GRID2: variants seen among roughly 807,000 people sequenced by gnomAD.
The protein encoded by GRID2 is glutamate ionotropic receptor delta type subunit 2.
In GRID2, 33 loss-of-function variants were observed where a neutral mutation model predicts 114.8. The observed-to-expected ratio is 0.29, with a 90% confidence interval of 0.22 to 0.38. The LOEUF is 0.38. Among genes scored for constraint, GRID2 ranks in the 10% least tolerant of loss-of-function variants. The pLI is 1.00. For synonymous variants in GRID2, 505 were observed against 449.9 expected (o/e 1.12, Z -1.55); for missense variants, 1,184 against 1,257.7 (o/e 0.94, Z 0.89).
At chr4:92,713,939 A>G (rs1645506060) in intron 2 of GRID2, among the ~76,000 whole-genome samples, 1 of 152,068 alleles carries the variant, frequency 6.6e-6, no homozygotes, top group Admixed American at 6.6e-5. Flanking sequence ...CCCAAATCTC[A>G]TGTCTTCACA....
intron 3 of GRID2, among the ~76,000 whole-genome samples, chr4:93,109,477 A>C (rs138847239): frequency 2.0e-5 from 3 of 152,078 alleles, no homozygotes; most frequent in Non-Finnish European, 4.4e-5. Flanking sequence ...GTAGTTTCTA[A>C]ATTTTTGGCT....
At chr4:92,746,620 ATT>A (rs1230653457) in intron 2 of GRID2, among the ~76,000 whole-genome samples, 1 of 152,054 alleles carries the variant, frequency 6.6e-6, no homozygotes, top group African/African-American at 2.4e-5. Flanking sequence ...GCTACAACTC[ATT>A]TTACTTCATG....
At chr4:93,800,524 A>G (rs1373273660) in intron 1 of GRID2, among the ~76,000 whole-genome samples, 3 of 152,192 alleles carry the variant, frequency 2.0e-5, no homozygotes, top group Admixed American at 6.5e-5. Context: ...TTTGTATTGT[A>G]TTAAAGATTT....
chr4:92,364,705 G>A (rs1322439017), intron 1 of GRID2, among the ~76,000 whole-genome samples: 1 of 151,660 alleles, frequency 6.6e-6, no homozygotes, highest in Non-Finnish European at 1.5e-5. Flanking sequence ...AGTAACAGAG[G>A]GAAGTGCAGA....
intron 2 of GRID2, among the ~76,000 whole-genome samples, chr4:92,918,190 C>T (rs563840436): frequency 1.3e-5 from 2 of 152,162 alleles, no homozygotes; most frequent in East Asian, 3.9e-4. Context: ...GTTATTTTTG[C>T]ACATTGATTT....
chr4:92,367,594 T>C (rs1315177896), intron 1 of GRID2, among the ~76,000 whole-genome samples: 3 of 152,006 alleles, frequency 2.0e-5, no homozygotes, highest in Non-Finnish European at 2.9e-5. Context: ...ATAGTGGGCA[T>C]TGGGCAGAAA....
At chr4:93,322,316 A>G (rs1757319977) in intron 8 of GRID2, among the ~76,000 whole-genome samples, 5 of 151,934 alleles carry the variant, frequency 3.3e-5, no homozygotes, top group South Asian at 2.1e-4. Flanking sequence ...CTGTCCTTGC[A>G]ATAGTTTGCT....
At chr4:93,164,267 G>C (rs1475315730) in intron 4 of GRID2, among the ~76,000 whole-genome samples, 1 of 152,072 alleles carries the variant, frequency 6.6e-6, no homozygotes, top group Admixed American at 6.6e-5. Context: ...TTAAGAGCAT[G>C]ACTTTGGGAC....
chr4:93,488,484 T>C (rs1275857494), intron 11 of GRID2, among the ~76,000 whole-genome samples: 3 of 151,970 alleles, frequency 2.0e-5, no homozygotes, highest in Non-Finnish European at 2.9e-5. Context: ...AATTAAAATA[T>C]GCCTGATATT....
intron 2 of GRID2, among the ~76,000 whole-genome samples, chr4:92,745,268 A>T (rs995476382): frequency 2.0e-5 from 3 of 152,220 alleles, no homozygotes; most frequent in African/African-American, 7.2e-5. Flanking sequence ...GTATGTCTTT[A>T]AAAAATTACT....
intron 2 of GRID2, among the ~76,000 whole-genome samples, chr4:93,056,651 A>G (rs895368016): frequency 1.3e-5 from 2 of 151,972 alleles, no homozygotes; most frequent in African/African-American, 4.8e-5. Flanking sequence ...CTTATTGTTC[A>G]TTAATAAGAG....
chr4:92,611,761 T>C (rs1384943997), intron 2 of GRID2, among the ~76,000 whole-genome samples: 1 of 151,650 alleles, frequency 6.6e-6, no homozygotes, highest in Non-Finnish European at 1.5e-5. Context: ...ATTAGTGACA[T>C]TGAGTATCTT....
chr4:93,652,462 C>T (rs556335710), intron 14 of GRID2, among the ~76,000 whole-genome samples: 5 of 152,170 alleles, frequency 3.3e-5, no homozygotes, highest in Non-Finnish European at 4.4e-5. Flanking sequence ...TGTTTAGACA[C>T]ACAAATACCT....
intron 3 of GRID2, among the ~76,000 whole-genome samples, chr4:93,086,570 A>G (rs544689910): frequency 4.7e-4 from 72 of 152,174 alleles, no homozygotes; most frequent in Non-Finnish European, 9.1e-4. Flanking sequence ...CTTGGTGGGT[A>G]GGCTTCAGCC....
intron 11 of GRID2, among the ~76,000 whole-genome samples, chr4:93,489,880 G>T (rs1726809383): frequency 6.6e-6 from 1 of 151,954 alleles, no homozygotes; most frequent in South Asian, 2.1e-4. Context: ...AATTGCAAGT[G>T]AGAATCATGT....
chr4:93,519,227 A>G (rs1384622528), intron 13 of GRID2, among the ~76,000 whole-genome samples: 6 of 152,116 alleles, frequency 3.9e-5, no homozygotes, highest in Non-Finnish European at 8.8e-5. Flanking sequence ...GAGCAACATG[A>G]TAACATATTT....
At chr4:92,532,065 G>A (rs1302349636) in intron 1 of GRID2, among the ~76,000 whole-genome samples, 1 of 152,124 alleles carries the variant, frequency 6.6e-6, no homozygotes, top group Admixed American at 6.6e-5. Context: ...AGTTGTGGTT[G>A]AGTGGCCACT....
intron 2 of GRID2, among the ~76,000 whole-genome samples, chr4:93,067,016 C>A (rs147008741): frequency 3.3e-5 from 5 of 152,062 alleles, no homozygotes; most frequent in African/African-American, 9.6e-5. Context: ...GAATGGTATG[C>A]AATTTAAAGC....
At chr4:92,679,956 A>G (rs549400501) in intron 2 of GRID2, among the ~76,000 whole-genome samples, 2 of 151,572 alleles carry the variant, frequency 1.3e-5, no homozygotes, top group Non-Finnish European at 2.9e-5. Context: ...TGTATGTTGC[A>G]GGGATGGAGG....
Sources: allele counts gnomAD v4.1 joint callset (sites outside exome capture counted in the v4.1 genomes callset), GRCh38; gene constraint gnomAD v4.1.1; transcripts MANE v1.5; gene names NCBI Gene and HGNC (gene_info 2026-07-23, HGNC 2026-07-21).